Variants in IQSEC1 observed in about 807,000 individuals in gnomAD.
IQSEC1 encodes IQ motif and SEC7 domain-containing protein 1.
In IQSEC1, 31 loss-of-function variants were observed where a neutral mutation model predicts 91.0. That is an observed-to-expected ratio of 0.34 (90% CI 0.26 to 0.46). IQSEC1 has a LOEUF of 0.46. Among genes scored for constraint, IQSEC1 ranks in the 20% least tolerant of loss-of-function variants. IQSEC1 has a pLI of 1.00. For synonymous variants in IQSEC1, 699 were observed against 662.6 expected, an observed-to-expected ratio of 1.05 and a Z score of -0.84; for missense variants, 1,388 against 1,575.6, an observed-to-expected ratio of 0.88 and a Z score of 2.02.
chr3:13,159,905 C>T (rs1410169273), intron 2 of IQSEC1, among the ~76,000 whole-genome samples: 3 of 152,168 alleles, frequency 2.0e-5, no homozygotes, highest in African/African-American at 7.2e-5. Context: ...CCAAACTCCA[C>T]AAACCTCTTC....
intron 2 of IQSEC1, among the ~76,000 whole-genome samples, chr3:13,151,371 T>G (rs1218794105): frequency 2.6e-5 from 4 of 152,118 alleles, no homozygotes; most frequent in Non-Finnish European, 4.4e-5. Context: ...CCCTGAGTGA[T>G]TCATCATTCA....
At position 12,936,080 on chromosome 3, in the gene IQSEC1, G is replaced by A. The variant is rs1698164177; in HGVS notation, c.936C>T (p.Ser312=). The part of the protein sequence containing the change: ...LPLSQAGDRP[S]STESDLRLRA... ...GTAGCCGCAGGTCCGACTCGGTGCT[G>A]GACGGCCGGTCCCCTGCCTGCGAGA... Residue 312 remains serine, a synonymous_variant, in exon 3 of 14, where the codon TCC becomes TCT. Transcript: ENST00000613206. The A allele has an allele frequency of 6.2e-7, 1 of 1,609,082 alleles. No homozygotes were observed. The highest frequency in any genetic ancestry group is 8.5e-7 in the Non-Finnish European group (1 of 1,179,784).
chr3:13,245,114 T>C (rs909381819), intron 1 of IQSEC1, among the ~76,000 whole-genome samples: 8 of 152,202 alleles, frequency 5.3e-5, no homozygotes, highest in African/African-American at 1.9e-4. Flanking sequence ...ATGCTTCTGA[T>C]TGAGCTGGGC....
chr3:12,982,564 G>C (rs951725853), intron 1 of IQSEC1, among the ~76,000 whole-genome samples: 3 of 152,230 alleles, frequency 2.0e-5, no homozygotes, highest in African/African-American at 7.2e-5. Flanking sequence ...AATGTTCTTA[G>C]CCACAACCAA....
chr3:12,922,357 G>A lies in IQSEC1; in HGVS notation c.1731-115C>T, dbSNP rs533154211. The A allele has an allele frequency of 6.9e-6, 9 of 1,295,982 alleles. No individual in the cohort carries two copies. Among genetic ancestry groups the A allele is most frequent in the Non-Finnish European group, 9.2e-6 (9 of 976,712 alleles). 80.3% of individuals were successfully genotyped at this position (1,295,982 alleles called of 1,614,324 possible). On this transcript the variant is annotated intron_variant, in intron 4 of 13. Transcript: ENST00000613206. The surrounding 1 kb of genome is among the most constrained non-coding windows in gnomAD (Gnocchi z 5.1). ...GGAATGGACCGCCTCCTGGCAGGGAGAGCCCCTGCCTGACTCCGACCAATC... is the reference window on the plus strand; with the variant it reads ...GGAATGGACCGCCTCCTGGCAGGGAAAGCCCCTGCCTGACTCCGACCAATC...
At chr3:12,947,520 G>A (rs1576011293) in intron 1 of IQSEC1, among the ~76,000 whole-genome samples, 1 of 151,922 alleles carries the variant, frequency 6.6e-6, no homozygotes, top group African/African-American at 2.4e-5. Context: ...CACCATGGAG[G>A]AGTCTTGCTC....
intron 2 of IQSEC1, among the ~76,000 whole-genome samples, chr3:13,094,333 G>A (rs1014425200): frequency 3.3e-5 from 5 of 152,246 alleles, no homozygotes; most frequent in Middle Eastern, 3.4e-3. Flanking sequence ...GATGGAAGGC[G>A]AAGGCAAGGC....
At chr3:13,242,280 G>A (rs1695033656) in intron 1 of IQSEC1, among the ~76,000 whole-genome samples, 1 of 152,194 alleles carries the variant, frequency 6.6e-6, no homozygotes, top group Non-Finnish European at 1.5e-5. Flanking sequence ...TGAAGTCCTG[G>A]CCTACAGAAT....
intron 1 of IQSEC1, among the ~76,000 whole-genome samples, chr3:13,280,075 T>C (rs1177588364): frequency 2.0e-5 from 3 of 152,178 alleles, no homozygotes; most frequent in Admixed American, 2.0e-4. Context: ...CTCAAAAAAG[T>C]ATGGGAGGCA....
intron 1 of IQSEC1, among the ~76,000 whole-genome samples, chr3:12,959,925 T>TCTCAAACCCTGCTCATTTAAATGA (rs1426384949): frequency 7.8e-4 from 118 of 152,178 alleles, no homozygotes; most frequent in African/African-American, 2.7e-3. Context: ...AAACAAAAAA[T>TCTCAAACCCTGCTCATTTAAATGA]CTCAAACCCT....
chr3:13,093,000 TCC>T (rs1261883091), intron 2 of IQSEC1, among the ~76,000 whole-genome samples: 2 of 152,054 alleles, frequency 1.3e-5, no homozygotes, highest in Non-Finnish European at 2.9e-5. Context: ...CACAAGCTGC[TCC>T]TAGTCCTCAG....
chr3:13,154,474 T>C (rs1707055140), intron 2 of IQSEC1, among the ~76,000 whole-genome samples: 1 of 129,272 alleles, frequency 7.7e-6, no homozygotes, highest in Non-Finnish European at 1.6e-5. Flanking sequence ...TATATATATA[T>C]ATGCAAAAAC....
intron 2 of IQSEC1, among the ~76,000 whole-genome samples, chr3:13,111,535 C>T (rs1015817464): frequency 6.6e-6 from 1 of 152,166 alleles, no homozygotes; most frequent in African/African-American, 2.4e-5. Context: ...GGCTAAACTC[C>T]TTCTAATTGA....
In IQSEC1 at chr3:13,242,924, G is replaced by A. The variant is rs558883534; in HGVS notation, c.272+39787C>T. ...AGGGAGGGATGCAGAGGAAGGGCTT[G>A]TCTTTCCACACATGTGGGGGGCCCT... is the stretch of plus-strand genomic sequence containing the variant. On this transcript the variant is annotated intron_variant, in intron 1 of 15. Transcript: ENST00000648114. 5.3e-5 allele frequency among the ~76,000 whole-genome samples: 8 copies of A among 152,218 alleles called. No homozygotes were observed. In the East Asian group the frequency reaches 1.5e-3, roughly 29 times the overall value.
intron 2 of IQSEC1, among the ~76,000 whole-genome samples, chr3:13,091,996 G>A (rs1262324416): frequency 1.3e-5 from 2 of 152,054 alleles, no homozygotes; most frequent in Non-Finnish European, 1.5e-5. Flanking sequence ...GTGTCCCCAG[G>A]CCCCCCAGGC....
chr3:12,913,799 C>T (rs750064892), intron 8 of IQSEC1, among the ~76,000 whole-genome samples: 3 of 152,216 alleles, frequency 2.0e-5, no homozygotes, highest in South Asian at 2.1e-4. Context: ...GGACTAGGGA[C>T]GTGCCCCAGC....
rs567942507 is a variant in IQSEC1, at chr3:13,214,338, T to G, written c.273-50205A>C. 1.3e-5 allele frequency among the ~76,000 whole-genome samples: 2 copies of G among 152,322 alleles called. No homozygotes were observed. The highest frequency in any genetic ancestry group is 2.1e-4 in the South Asian group (1 of 4,828). On this transcript the variant is annotated intron_variant, in intron 1 of 15. Transcript: ENST00000648114. This position sits in a 1 kb window ranked among gnomAD's most constrained non-coding sequence, Gnocchi z 4.5. ...ACCACATCTGCTGCTCCCAACACCC[T>G]TGTCCAGGAGCTGCCCAGGCCGACT...
At chr3:13,191,258 C>T (rs550667632) in intron 1 of IQSEC1, among the ~76,000 whole-genome samples, 91 of 152,308 alleles carry the variant, frequency 6.0e-4, no homozygotes, top group Admixed American at 5.6e-3. Context: ...CTGGGCTGTC[C>T]GCCCGATTCC....
chr3:13,222,373 G>A (rs915819028), intron 1 of IQSEC1, among the ~76,000 whole-genome samples: 61 of 152,128 alleles, frequency 4.0e-4, no homozygotes, highest in African/African-American at 1.3e-3. Flanking sequence ...CATCTGTCAC[G>A]GACACTTTCT....
Sources: gnomAD v4.1 joint callset for allele counts (sites outside exome capture counted in the v4.1 genomes callset) on GRCh38, gnomAD v4.1.1 for gene constraint, Gnocchi (gnomAD v3.1) non-coding constraint, MANE v1.5 for transcripts, NCBI Gene and HGNC (gene_info 2026-07-23, HGNC 2026-07-21) for gene names.